VWC2L: variants seen among roughly 807,000 people sequenced by gnomAD.
The protein encoded by VWC2L is von Willebrand factor C domain containing 2 like, also known as von Willebrand factor C domain-containing protein 2-like.
VWC2L carries 10 observed loss-of-function variants against 21.6 expected under a neutral mutation model. The ratio of observed to expected loss-of-function variants is 0.46; its 90% CI spans 0.29 to 0.78. The LOEUF (loss-of-function observed/expected upper bound fraction) is 0.78, where lower values mean the gene tolerates loss of function less well. Among genes scored for constraint, VWC2L ranks in the 30% least tolerant of loss-of-function variants. The pLI is 0.10. For missense variants in VWC2L, 209 were observed against 277.1 expected, an observed-to-expected ratio of 0.75 and a Z score of 1.74; for synonymous variants, 96 against 94.3, an observed-to-expected ratio of 1.02 and a Z score of -0.10.
rs76842547 is a variant in VWC2L, at chr2:214,487,333, C to T, written c.520+50575C>T. On this transcript the variant is annotated intron_variant, in intron 3 of 3. Transcript: ENST00000312504. ...GCTTGAAGAACTGAAAGTCTTCACT[C>T]TATCACACAGTAAAAACCTACTGTG... Among the ~76,000 whole-genome samples, 1,359 of 152,322 alleles carry T rather than the reference C, an allele frequency of 8.9e-3. 21 individuals are homozygous for T. Among genetic ancestry groups the T allele is most frequent in the African/African-American group, 0.031 (1,283 of 41,570 alleles).
intron 3 of VWC2L, among the ~76,000 whole-genome samples, chr2:214,537,209 T>A (rs1038019956): frequency 6.6e-6 from 1 of 152,068 alleles, no homozygotes; most frequent in African/African-American, 2.4e-5. Flanking sequence ...AGAGCATAAA[T>A]GTCTCTGGAT....
chr2:214,523,266 T>A (rs1204133771), intron 3 of VWC2L, among the ~76,000 whole-genome samples: 1 of 152,208 alleles, frequency 6.6e-6, no homozygotes, highest in East Asian at 1.9e-4. Context: ...AGAAAAGTGT[T>A]ACTGAGTTAC....
At position 214,571,949 on chromosome 2, in the gene VWC2L, G is replaced by C. The variant is rs1358629087; in HGVS notation, c.521-3723G>C. Reference sequence around the variant, plus strand: ...CAACAGGTGCACACCACCACTCCTGGCTTTCTGTTTTTGGTAGAGACAAGG... The same window carrying C: ...CAACAGGTGCACACCACCACTCCTGCCTTTCTGTTTTTGGTAGAGACAAGG... On this transcript the variant is annotated intron_variant, in intron 3 of 3. Transcript: ENST00000312504. Among the ~76,000 whole-genome samples, 7 of 152,070 alleles carry C rather than the reference G, an allele frequency of 4.6e-5. No individual in the cohort carries two copies. The South Asian group carries it at 1.5e-3, about 32-fold the overall frequency.
chr2:214,423,629 A>G (rs1449512232), intron 2 of VWC2L, among the ~76,000 whole-genome samples: 1 of 152,190 alleles, frequency 6.6e-6, no homozygotes, highest in Non-Finnish European at 1.5e-5. Flanking sequence ...ACAATAAAAT[A>G]CTGGCACATC....
rs1391204271 is a variant in VWC2L at position 214,578,949 on chromosome 2, TTAAATA to T, written c.*3134_*3139del. On this transcript the variant is annotated 3_prime_UTR_variant, in exon 4 of 4. Coordinates refer to ENST00000312504, the MANE Select transcript of VWC2L (RefSeq NM_001080500.4). The stretch of plus-strand genomic sequence containing the variant: ...AATATATTATTAAAAAATTATTTTG[TTAAATA>T]TAAAGTGTGTTAACCAGCAAACATT... 5 of 152,264 alleles carry T rather than the reference TTAAATA, an allele frequency of 3.3e-5. No individual in the cohort carries two copies. The East Asian group carries it at 5.8e-4, about 18-fold the overall frequency. The allele number at this position is 152,264 out of a possible 1,614,324, so 9.4% of individuals were successfully genotyped here.
chr2:214,523,480 AT>A (rs948697188), intron 3 of VWC2L, among the ~76,000 whole-genome samples: 3 of 152,312 alleles, frequency 2.0e-5, no homozygotes, highest in East Asian at 1.9e-4. Flanking sequence ...TGAGAAACAG[AT>A]TTTTTTCTAA....
chr2:214,542,735 G>A (rs985471682), intron 3 of VWC2L, among the ~76,000 whole-genome samples: 3 of 151,960 alleles, frequency 2.0e-5, no homozygotes, highest in East Asian at 1.9e-4. Context: ...CACTCTCTCC[G>A]CCTTTCCTAC....
chr2:214,455,349 TTAA>T (rs1703040505), intron 3 of VWC2L, among the ~76,000 whole-genome samples: 1 of 152,244 alleles, frequency 6.6e-6, no homozygotes, highest in Admixed American at 6.5e-5. Context: ...CATAAAGTTG[TTAA>T]TAATATTCCC....
rs191363741 is a variant in VWC2L, at chr2:214,414,452, C to A, written c.259C>A (p.Gln87Lys). 1,284 of 1,613,490 alleles carry A rather than the reference C, an allele frequency of 8.0e-4. 14 individuals carry two copies. The highest frequency in any genetic ancestry group is 3.2e-4 in the Non-Finnish European group (373 of 1,179,656). Residue 87 changes from glutamine to lysine, a missense_variant, in exon 2 of 4, where the codon CAA becomes AAA. By Grantham distance (53) the Gln-to-Lys change is moderately conservative. Coordinates refer to ENST00000312504, the MANE Select transcript of VWC2L (RefSeq NM_001080500.4). ...VCALDGPVCD[Q>K]PECPKIHPKC... is the part of the protein sequence containing the mutation. ...TGCTCTAGATGGACCTGTTTGCGAC[C>A]AACCAGAATGCCCTAAAATTCACCC...
At chr2:214,531,934 TGTTTCAA>T (rs1689442542) in intron 3 of VWC2L, among the ~76,000 whole-genome samples, 1 of 152,170 alleles carries the variant, frequency 6.6e-6, no homozygotes, top group Non-Finnish European at 1.5e-5. Context: ...TAATCTACAG[TGTTTCAA>T]TCTTCATAAG....
intron 2 of VWC2L, among the ~76,000 whole-genome samples, chr2:214,419,449 G>A (rs890838318): frequency 6.6e-6 from 1 of 152,180 alleles, no homozygotes; most frequent in Non-Finnish European, 1.5e-5. Context: ...GCTAGAATTA[G>A]CTTTTTTGAC....
chr2:214,552,051 C>T (rs1689803299), intron 3 of VWC2L, among the ~76,000 whole-genome samples: 1 of 152,188 alleles, frequency 6.6e-6, no homozygotes, highest in Non-Finnish European at 1.5e-5. Flanking sequence ...GTGTTTAAGG[C>T]CTGATGTTGC....
At chr2:214,536,022 G>GAAAT (rs955339292) in intron 3 of VWC2L, among the ~76,000 whole-genome samples, 1 of 152,018 alleles carries the variant, frequency 6.6e-6, no homozygotes, top group African/African-American at 2.4e-5. Context: ...TGGCACAGGG[G>GAAAT]AAATCAAAGT....
At chr2:214,535,325 T>C (rs1038965093) in intron 3 of VWC2L, among the ~76,000 whole-genome samples, 3 of 152,062 alleles carry the variant, frequency 2.0e-5, no homozygotes, top group Non-Finnish European at 4.4e-5. Flanking sequence ...TTAATGAACA[T>C]ACTAAAGAAA....
At chr2:214,413,018 G>A (rs887218509) in intron 1 of VWC2L, among the ~76,000 whole-genome samples, 1 of 151,966 alleles carries the variant, frequency 6.6e-6, no homozygotes, top group Admixed American at 6.6e-5. Flanking sequence ...ATTTAAATAA[G>A]AGCCCACTCC....
At chr2:214,532,482 T>C (rs1014939540) in intron 3 of VWC2L, among the ~76,000 whole-genome samples, 2 of 152,170 alleles carry the variant, frequency 1.3e-5, no homozygotes, top group African/African-American at 4.8e-5. Context: ...CTCACCTTTC[T>C]TTTTAACAGT....
intron 3 of VWC2L, among the ~76,000 whole-genome samples, chr2:214,517,747 C>T (rs190392450): frequency 6.6e-6 from 1 of 152,152 alleles, no homozygotes; most frequent in African/African-American, 2.4e-5. Flanking sequence ...GGTGATAATA[C>T]AAGGCATAAT....
chr2:214,487,847 A>G (rs1037868287), intron 3 of VWC2L, among the ~76,000 whole-genome samples: 23 of 152,250 alleles, frequency 1.5e-4, no homozygotes, highest in African/African-American at 5.3e-4. Context: ...AATTCAAATG[A>G]TGGGGCTTTA....
intron 2 of VWC2L, among the ~76,000 whole-genome samples, chr2:214,418,227 C>A (rs1031077653): frequency 6.6e-6 from 1 of 152,178 alleles, no homozygotes; most frequent in African/African-American, 2.4e-5. Context: ...ACTACAAGAA[C>A]AGTAACTGTT....
Sources: allele counts gnomAD v4.1 joint callset (sites outside exome capture counted in the v4.1 genomes callset), GRCh38; gene constraint gnomAD v4.1.1; transcripts MANE v1.5; gene names NCBI Gene and HGNC (gene_info 2026-07-23, HGNC 2026-07-21).